Variants in RPGRIP1L observed in about 807,000 individuals in gnomAD.
The protein encoded by RPGRIP1L is RPGRIP1 like, also known as protein fantom.
RPGRIP1L carries 131 observed loss-of-function variants against 160.4 expected under a neutral mutation model. That is an observed-to-expected ratio of 0.82 (90% CI 0.71 to 0.94). The LOEUF is 0.94. Ranked by LOEUF, RPGRIP1L falls within the 40% of genes least tolerant of loss-of-function variation. RPGRIP1L has a pLI of 0.00. For synonymous variants in RPGRIP1L, 510 were observed against 515.8 expected (o/e 0.99, Z 0.15); for missense variants, 1,522 against 1,535.8 (o/e 0.99, Z 0.15).
chr16:53,660,959 G>A (rs1233972012), intron 10 of RPGRIP1L, among the ~76,000 whole-genome samples: 1 of 151,070 alleles, frequency 6.6e-6, no homozygotes, highest in African/African-American at 2.4e-5. Context: ...AGGTTACAAG[G>A]TTATCCTAGA....
In RPGRIP1L at chr16:53,600,207, T is replaced by C. The variant is rs1224541215; in HGVS notation, c.*1869A>G. On this transcript the variant is annotated 3_prime_UTR_variant, in exon 27 of 27. Transcript: ENST00000647211. ...AGTTAATCCCAGGGTATAATCTGGCTGTTTTAAATTACTGCAGGGAATATT... is the reference window on the plus strand; with the variant it reads ...AGTTAATCCCAGGGTATAATCTGGCCGTTTTAAATTACTGCAGGGAATATT... The C allele has an allele frequency of 1.3e-5, 2 of 152,674 alleles. No individual in the cohort carries two copies. Among genetic ancestry groups the C allele is most frequent in the East Asian group, 3.8e-4 (2 of 5,208 alleles). The allele number at this position is 152,674 out of a possible 1,614,324, so 9.5% of individuals were successfully genotyped here. A position where few individuals can be genotyped will look rare whatever the true frequency, so the allele number is the denominator to read the frequency against.
chr16:53,658,882 A>T lies in RPGRIP1L; in HGVS notation c.1244-4T>A. The T allele has an allele frequency of 6.5e-7, 1 of 1,540,798 alleles. No individual in the cohort carries two copies. Among genetic ancestry groups the T allele is most frequent in the Non-Finnish European group, 8.9e-7 (1 of 1,119,386 alleles). On this transcript the variant is annotated splice_polypyrimidine_tract_variant and splice_region_variant and intron_variant, in intron 10 of 26. Transcript: ENST00000647211. ...TGAACGAGTTTTTCATTTTGATCTT[A>T]AAAATAAAGTCCACACAATTGGAAA...
intron 17 of RPGRIP1L, among the ~76,000 whole-genome samples, chr16:53,645,261 T>C (rs1199984950): frequency 1.3e-5 from 2 of 152,078 alleles, no homozygotes; most frequent in African/African-American, 2.4e-5. Context: ...TATAACATTG[T>C]ACTGTTGGTA....
chr16:53,693,692 G>A (rs1029557814), intron 3 of RPGRIP1L: 6 of 152,100 alleles, frequency 3.9e-5, no homozygotes, highest in African/African-American at 1.2e-4. Context: ...ACCTAATTCC[G>A]AGAATGATAT....
chr16:53,642,498 G>A (rs1017319224), intron 17 of RPGRIP1L, among the ~76,000 whole-genome samples: 2 of 151,192 alleles, frequency 1.3e-5, no homozygotes, highest in Non-Finnish European at 2.9e-5. Flanking sequence ...TAGAACATGA[G>A]GTGATAAACT....
At chr16:53,693,253 A>T (rs1970508772) in intron 3 of RPGRIP1L, 1 of 152,262 alleles carries the variant, frequency 6.6e-6, no homozygotes. Context: ...ATTCTAGTTT[A>T]TAGTGAATCT....
At chr16:53,662,697 T>C (rs369784515) in intron 10 of RPGRIP1L, among the ~76,000 whole-genome samples, 1 of 152,212 alleles carries the variant, frequency 6.6e-6, no homozygotes, top group Non-Finnish European at 1.5e-5. Context: ...TTATAACCCA[T>C]TGTAACATTC....
Position 53,687,856 on chromosome 16 carries a change from C to T in RPGRIP1L, c.632+7G>A, listed in dbSNP as rs746526374. On this transcript the variant is annotated splice_region_variant and intron_variant, in intron 5 of 26. Coordinates refer to ENST00000647211, the MANE Select transcript of RPGRIP1L (RefSeq NM_015272.5). ...GTTCTCAAATTACCACAAAAAAGAA[C>T]ACATACAAATTTCTTATTTCTCCTC... The T allele has an allele frequency of 6.5e-7, 1 of 1,527,998 alleles. No individual in the cohort carries two copies. Among genetic ancestry groups the T allele is most frequent in the South Asian group, 1.1e-5 (1 of 89,136 alleles). The allele number at this position is 1,527,998 out of a possible 1,614,324, so 94.7% of individuals were successfully genotyped here. A position where few individuals can be genotyped will look rare whatever the true frequency, so the allele number is the denominator to read the frequency against.
chr16:53,672,758 A>C, intron 8 of RPGRIP1L, 112 bp downstream of exon 8: 2 of 960,970 alleles, frequency 2.1e-6, no homozygotes, highest in Non-Finnish European at 3.2e-6. Context: ...CACCATGTAC[A>C]TAACTTATAA....
intron 23 of RPGRIP1L, among the ~76,000 whole-genome samples, chr16:53,621,152 G>A (rs1964681732): frequency 6.6e-6 from 1 of 152,022 alleles, no homozygotes; most frequent in Non-Finnish European, 1.5e-5. Context: ...TTATCTAAGT[G>A]GTTATTTTAT....
At position 53,619,227 on chromosome 16, in the gene RPGRIP1L, C is replaced by CA. The variant is rs1300820481; in HGVS notation, c.3433-20dup. ...CTGATGGCTGTTTAAAGAGCAAAAACAAAAAACAACAAAGAAATAAAATAA... is the reference window on the plus strand; with the variant it reads ...CTGATGGCTGTTTAAAGAGCAAAAACAAAAAAACAACAAAGAAATAAAATAA... On this transcript the variant is annotated intron_variant, in intron 23 of 26. Coordinates refer to ENST00000647211, the MANE Select transcript of RPGRIP1L (RefSeq NM_015272.5). The CA allele has an allele frequency of 6.3e-7, 1 of 1,598,492 alleles. No homozygotes were observed. The highest frequency in any genetic ancestry group is 8.6e-7 in the Non-Finnish European group (1 of 1,167,916).
At chr16:53,695,487 C>A (rs1482955542) in intron 3 of RPGRIP1L, 2 of 700,778 alleles carry the variant, frequency 2.9e-6, no homozygotes, top group East Asian at 2.7e-5. Context: ...TACAGACCTG[C>A]TCATGATTAC....
chr16:53,624,419 G>A (rs1964938483), intron 22 of RPGRIP1L, among the ~76,000 whole-genome samples: 1 of 152,030 alleles, frequency 6.6e-6, no homozygotes, highest in South Asian at 2.1e-4. Context: ...CGGGCGTGGT[G>A]GCACGCGCCT....
At chr16:53,604,111 C>A (rs529409739) in intron 26 of RPGRIP1L, among the ~76,000 whole-genome samples, 1 of 152,304 alleles carries the variant, frequency 6.6e-6, no homozygotes, top group African/African-American at 2.4e-5. Flanking sequence ...GTTAATATTT[C>A]AATCCTCTCA....
At chr16:53,669,493 A>T (rs2151223676) in intron 9 of RPGRIP1L, among the ~76,000 whole-genome samples, 2 of 152,184 alleles carry the variant, frequency 1.3e-5, no homozygotes, top group South Asian at 2.1e-4. Context: ...ATACTCTTAG[A>T]TCATCTTCTA....
At chr16:53,694,636 G>A (rs1399798332) in intron 3 of RPGRIP1L, 4 of 151,828 alleles carry the variant, frequency 2.6e-5, no homozygotes, top group Admixed American at 6.6e-5. Context: ...CTCAACCTCC[G>A]AGTAGCTAGG....
intron 24 of RPGRIP1L, among the ~76,000 whole-genome samples, chr16:53,616,635 T>C (rs955672971): frequency 6.6e-6 from 1 of 152,222 alleles, no homozygotes; most frequent in Non-Finnish European, 1.5e-5. Context: ...AAAAAAAGTA[T>C]AGTAAACAGT....
At chr16:53,702,641 A>G (rs910483215) in intron 1 of RPGRIP1L, among the ~76,000 whole-genome samples, 1 of 151,568 alleles carries the variant, frequency 6.6e-6, no homozygotes, top group Non-Finnish European at 1.5e-5. Flanking sequence ...ATCCTATGTT[A>G]GAGTAGTCTT....
At chr16:53,648,680 G>A (rs548105794) in intron 16 of RPGRIP1L, among the ~76,000 whole-genome samples, 6 of 146,518 alleles carry the variant, frequency 4.1e-5, no homozygotes, top group African/African-American at 7.5e-5. Flanking sequence ...AAAAACTGAC[G>A]AAATCTGAGT....
Sources: gnomAD v4.1 joint callset for allele counts (sites outside exome capture counted in the v4.1 genomes callset) on GRCh38, gnomAD v4.1.1 for gene constraint, MANE v1.5 for transcripts, NCBI Gene and HGNC (gene_info 2026-07-23, HGNC 2026-07-21) for gene names.